The following CRELD1 variants were observed in gnomAD, a reference collection of about 807,000 sequenced individuals.
CRELD1 encodes the protein CRELD disulfide isomerase 1.
Under a neutral mutation model 58.2 loss-of-function variants are expected in CRELD1, and 42 were observed. That is an observed-to-expected ratio of 0.72 (90% CI 0.56 to 0.93). The LOEUF (loss-of-function observed/expected upper bound fraction) is 0.93, where lower values mean the gene tolerates loss of function less well. Among genes scored for constraint, CRELD1 ranks in the 40% least tolerant of loss-of-function variants. CRELD1 has a pLI of 0.00. For synonymous variants in CRELD1, 222 were observed against 202.0 expected (o/e 1.10, Z -0.84); for missense variants, 500 against 540.6 (o/e 0.92, Z 0.74).
chr3:9,937,625 C>T lies in CRELD1; in HGVS notation c.321C>T (p.Arg107=), dbSNP rs2085232530. The T allele has an allele frequency of 6.2e-7, 1 of 1,612,228 alleles. No individual in the cohort carries two copies. The highest frequency in any genetic ancestry group is 1.7e-4 in the Middle Eastern group (1 of 5,946). The change falls in exon 4 of 11, where the codon CGC becomes CGT. Residue 107 remains arginine, a synonymous_variant. Transcript: ENST00000452070. ...VCSKSDFECH[R]LLELSEELVE... is the part of the protein sequence containing the mutation. ...GCAAGTCAGACTTCGAGTGCCACCG[C>T]CTGCTGGAGCTGAGTGAGGAGCTGG...
At chr3:9,937,271 A>T (rs1314899973) in intron 3 of CRELD1, among the ~76,000 whole-genome samples, 1 of 152,234 alleles carries the variant, frequency 6.6e-6, no homozygotes, top group Admixed American at 6.5e-5. Context: ...TCCATTGCTC[A>T]GATGCAGGAA....
chr3:9,935,091 T>G, intron 3 of CRELD1, 174 bp downstream of exon 3: 1 of 603,762 alleles, frequency 1.7e-6, no homozygotes, highest in Non-Finnish European at 3.0e-6. Context: ...GGAGCTCACA[T>G]TCTAGTAGAG....
At position 9,937,614 on chromosome 3, in the gene CRELD1, G is replaced by C. The variant is rs375840562; in HGVS notation, c.310G>C (p.Glu104Gln). 6.2e-7 allele frequency: 1 copy of C among 1,612,616 alleles called. No individual in the cohort carries two copies. The highest frequency in any genetic ancestry group is 1.7e-5 in the Admixed American group (1 of 59,854). Reference protein sequence around the residue: ...LEGVCSKSDFECHRLLELSEE... With the variant: ...LEGVCSKSDFQCHRLLELSEE... ...GGGTGTGTGCAGCAAGTCAGACTTC[G>C]AGTGCCACCGCCTGCTGGAGCTGAG... The change falls in exon 4 of 11, where the codon GAG (glutamate) becomes CAG (glutamine). Residue 104 changes from glutamate (E) to glutamine (Q), a missense_variant. Glu to Gln is a conservative substitution (Grantham distance 29). Transcript: ENST00000452070.
intron 10 of CRELD1, chr3:9,943,812 A>G (rs916943985): frequency 1.9e-6 from 3 of 1,612,262 alleles, no homozygotes; most frequent in African/African-American, 1.3e-5. Flanking sequence ...GAGCTGTCCT[A>G]GGCCGGGGGT....
Position 9,944,750 on chromosome 3 carries a change from G to A in CRELD1, c.*171G>A, listed in dbSNP as rs1335117752. On this transcript the variant is annotated 3_prime_UTR_variant, in exon 11 of 11. Coordinates refer to ENST00000452070, the MANE Select transcript of CRELD1 (RefSeq NM_001077415.3). ...CCAGGCCCGGGCAGACAAGGCCCCT[G>A]GGGTAAAAAGTAGCCCTGAAGGTGG... 4.5e-6 allele frequency: 3 copies of A among 661,142 alleles called. No individual in the cohort carries two copies. The highest frequency in any genetic ancestry group is 5.5e-5 in the East Asian group (2 of 36,576). The allele number at this position is 661,142 out of a possible 1,614,324, so 41.0% of individuals were successfully genotyped here. A position where few individuals can be genotyped will look rare whatever the true frequency, so the allele number is the denominator to read the frequency against.
chr3:9,936,764 A>G (rs976033602), intron 3 of CRELD1, among the ~76,000 whole-genome samples: 10 of 152,132 alleles, frequency 6.6e-5, no homozygotes, highest in South Asian at 2.1e-4. Context: ...AATTTGTGTT[A>G]GTCAAGCAGA....
Position 9,934,419 on chromosome 3 carries a change from G to A in CRELD1, c.-19-1G>A, listed in dbSNP as rs374878077. The A allele has an allele frequency of 1.5e-4, 240 of 1,612,332 alleles. No homozygotes were observed. Among genetic ancestry groups the A allele is most frequent in the Non-Finnish European group, 1.8e-4 (216 of 1,178,712 alleles). ...AGCCTCTCCACGCCCTCTATCTGCAGGTCCCCAGCCTGGGTAAAGATGGCC... is the reference window on the plus strand; with the variant it reads ...AGCCTCTCCACGCCCTCTATCTGCAAGTCCCCAGCCTGGGTAAAGATGGCC... On this transcript the variant is annotated splice_acceptor_variant, in intron 1 of 10. Transcript: ENST00000452070. LOFTEE classifies it low-confidence loss of function (5UTR_SPLICE).
rs1221436004 is a variant in CRELD1, at chr3:9,938,205, T to G, written c.460+99T>G. 4.4e-6 allele frequency: 4 copies of G among 906,428 alleles called. No homozygotes were observed. In the African/African-American group the frequency reaches 6.5e-5, roughly 15 times the overall value. 56.1% of individuals were successfully genotyped at this position (906,428 alleles called of 1,614,324 possible). ...AGTTCGCTGTGTGAACTCAGGCTAC[T>G]CAGATAAACTTCTCTGGACCTCAGT... On this transcript the variant is annotated intron_variant, in intron 5 of 10. Transcript: ENST00000452070.
At position 9,941,212 on chromosome 3, in the gene CRELD1, T is replaced by A; in HGVS notation, c.733+6T>A. The A allele has an allele frequency of 4.3e-6, 7 of 1,611,268 alleles. No individual in the cohort carries two copies. The highest frequency in any genetic ancestry group is 5.9e-6 in the Non-Finnish European group (7 of 1,177,884). The stretch of plus-strand genomic sequence containing the variant: ...GCATCACCTCAAGTGTGTAGGTAAG[T>A]GGGGCCCTAGCTAGGTCTGGGAAGA... On this transcript the variant is annotated splice_donor_region_variant and intron_variant, in intron 7 of 10. Coordinates refer to ENST00000452070, the MANE Select transcript of CRELD1 (RefSeq NM_001077415.3).
Position 9,934,350 on chromosome 3 carries a change from A to G in CRELD1, c.-19-70A>G. The G allele has an allele frequency of 5.5e-6, 7 of 1,261,308 alleles. No individual in the cohort carries two copies. The South Asian group carries it at 6.0e-5, about 11-fold the overall frequency. 78.1% of individuals were successfully genotyped at this position (1,261,308 alleles called of 1,614,324 possible). Reference sequence around the variant, plus strand: ...GATCCCAGCGCCACGGCACCTTAGAACAGACCTTTTTCTTTCTCGCGTGGG... The same window carrying G: ...GATCCCAGCGCCACGGCACCTTAGAGCAGACCTTTTTCTTTCTCGCGTGGG... On this transcript the variant is annotated intron_variant, in intron 1 of 10. Coordinates refer to ENST00000452070, the MANE Select transcript of CRELD1 (RefSeq NM_001077415.3).
intron 7 of CRELD1, 103 bp from the exon 8 acceptor site, chr3:9,942,710 G>A (rs1327462509): frequency 2.2e-6 from 2 of 909,854 alleles, no homozygotes; most frequent in African/African-American, 1.6e-5. Flanking sequence ...TGCAGTCTCT[G>A]CCATACCATT....
At chr3:9,938,136 GAGGGGACCACCGAGTCC>G in intron 5 of CRELD1, 30 bp downstream of exon 5, 1 of 1,539,756 alleles carries the variant, frequency 6.5e-7, no homozygotes, top group Non-Finnish European at 8.9e-7. Flanking sequence ...TTGGGGATGG[GAGGGGACCACCGAGTCC>G]AGGGATCCAG....
At chr3:9,940,353 G>A (rs1240023403) in intron 5 of CRELD1, among the ~76,000 whole-genome samples, 25 of 152,080 alleles carry the variant, frequency 1.6e-4, no homozygotes, top group South Asian at 2.1e-4. Flanking sequence ...CCGAGATCAC[G>A]CCACTGCACT....
rs1280810269 is a variant in CRELD1 at position 9,945,172 on chromosome 3, AG to A, written c.*595del. ...CCCCTGAAGTGCTGTTAGGAGAAGG[AG>A]GATAGAGGAATCAGCCTTAGGAGGG... On this transcript the variant is annotated 3_prime_UTR_variant, in exon 11 of 11. Transcript: ENST00000452070. The A allele has an allele frequency of 2.3e-5, 4 of 173,400 alleles. No individual in the cohort carries two copies. Among genetic ancestry groups the A allele is most frequent in the Admixed American group, 1.1e-4 (2 of 18,590 alleles). The allele number at this position is 173,400 out of a possible 1,614,324, so 10.7% of individuals were successfully genotyped here.
intron 5 of CRELD1, 110 bp from the exon 6 acceptor site, chr3:9,940,740 A>AG (rs1371568930): frequency 9.9e-5 from 48 of 483,206 alleles, no homozygotes; most frequent in Middle Eastern, 5.1e-4. Context: ...GGGGGAGGGG[A>AG]GGGGGGGAGG....
chr3:9,937,671 A>G lies in CRELD1; in HGVS notation c.367A>G (p.Lys123Glu). 6.3e-7 allele frequency: 1 copy of G among 1,599,846 alleles called. No homozygotes were observed. Among genetic ancestry groups the G allele is most frequent in the Non-Finnish European group, 8.5e-7 (1 of 1,172,674 alleles). The change falls in exon 4 of 11, where the codon AAG (lysine) becomes GAG (glutamate). Residue 123 changes from lysine to glutamate, a missense_variant and splice_region_variant. Coordinates refer to ENST00000452070, the MANE Select transcript of CRELD1 (RefSeq NM_001077415.3). ...GCTGGTGGAGAGCTGGTGGTTTCACAAGTGAGTGGCAAAGGGCCTTCCCTG... is the reference window on the plus strand; with the variant it reads ...GCTGGTGGAGAGCTGGTGGTTTCACGAGTGAGTGGCAAAGGGCCTTCCCTG... ...EELVESWWFH[K>E]QQEAPDLFQW...
chr3:9,942,232 T>C (rs2124855781), intron 7 of CRELD1, among the ~76,000 whole-genome samples: 1 of 151,220 alleles, frequency 6.6e-6, no homozygotes, highest in Non-Finnish European at 1.5e-5. Context: ...GATCACACCA[T>C]TGCACTCTAG....
At position 9,943,724 on chromosome 3, in the gene CRELD1, C is replaced by T. The variant is rs143889159; in HGVS notation, c.1048+209C>T. 83 of 985,426 alleles carry T rather than the reference C, an allele frequency of 8.4e-5. 1 individual carries two copies. In the East Asian group the frequency reaches 9.1e-4, roughly 11 times the overall value. The allele number at this position is 985,426 out of a possible 1,614,324, so 61.0% of individuals were successfully genotyped here. A position where few individuals can be genotyped will look rare whatever the true frequency, so the allele number is the denominator to read the frequency against. The stretch of plus-strand genomic sequence containing the variant: ...TTCCAGGGTACAAAGGGAATCAGAC[C>T]TGGCATCAAATCAGTCTGCCTCCTT... On this transcript the variant is annotated intron_variant, in intron 10 of 10. Transcript: ENST00000452070.
rs1304530494 is a variant in CRELD1, at chr3:9,940,968, C to G, written c.579C>G (p.Gly193=). The change falls in exon 6 of 11, where the codon GGC becomes GGG. Residue 193 remains glycine, a synonymous_variant. Coordinates refer to ENST00000452070, the MANE Select transcript of CRELD1 (RefSeq NM_001077415.3). ...CQAGYGGEAC[G]QCGLGYFEAE... is the part of the protein sequence containing the mutation. ...CCGGCTACGGGGGTGAGGCCTGTGG[C>G]CAGTGTGGCCTTGGCTACTTTGAGG... is the stretch of plus-strand genomic sequence containing the variant. The G allele has an allele frequency of 8.1e-6, 13 of 1,613,962 alleles. No homozygotes were observed. In the South Asian group the frequency reaches 1.3e-4, roughly 16 times the overall value.
Sources: gnomAD v4.1 joint callset for allele counts (sites outside exome capture counted in the v4.1 genomes callset) on GRCh38, gnomAD v4.1.1 for gene constraint, MANE v1.5 for transcripts, NCBI Gene and HGNC (gene_info 2026-07-23, HGNC 2026-07-21) for gene names.